Variants in NR2C2 observed in about 807,000 individuals in gnomAD.
The protein encoded by NR2C2 is Nuclear hormone receptor TR4.
In NR2C2, 6 loss-of-function variants were observed where a neutral mutation model predicts 62.9. The observed-to-expected ratio is 0.10, with a 90% CI of 0.05 to 0.19. The LOEUF (loss-of-function observed/expected upper bound fraction) is 0.19, where lower values mean the gene tolerates loss of function less well. NR2C2 is among the 10% of genes least tolerant of loss of function. NR2C2 has a pLI of 1.00. For synonymous variants in NR2C2, 272 were observed against 273.8 expected, an observed-to-expected ratio of 0.99 and a Z score of 0.07; for missense variants, 479 against 762.7, an observed-to-expected ratio of 0.63 and a Z score of 4.38.
intron 4 of NR2C2, among the ~76,000 whole-genome samples, chr3:15,020,174 C>CT (rs57379853): frequency 0.065 from 9,950 of 152,270 alleles, 412 homozygotes; most frequent in East Asian, 0.13. Flanking sequence ...TGGTAATCCT[C>CT]TTTTGCTGTG....
intron 10 of NR2C2, among the ~76,000 whole-genome samples, 186 bp downstream of exon 10, chr3:15,032,686 A>C (rs185953949): frequency 6.6e-6 from 1 of 152,168 alleles, no homozygotes; most frequent in Non-Finnish European, 1.5e-5. Context: ...CAGTTCTGCA[A>C]TGTTCCTCTA....
rs1459943002 is a variant in NR2C2, at chr3:15,044,646, G to C, written c.*1638G>C. On this transcript the variant is annotated 3_prime_UTR_variant, in exon 14 of 14. Coordinates refer to ENST00000425241, the MANE Select transcript of NR2C2 (RefSeq NM_001291694.2). ...GGGTTAAATTTGCCTCTCTTGATTT[G>C]TTAATCAGATGATATCCAAAAAGAT... The C allele has an allele frequency of 6.6e-6, 1 of 152,208 alleles. No individual in the cohort carries two copies. Among genetic ancestry groups the C allele is most frequent in the Non-Finnish European group, 1.5e-5 (1 of 68,028 alleles). The allele number at this position is 152,208 out of a possible 1,614,324, so 9.4% of individuals were successfully genotyped here.
intron 1 of NR2C2, among the ~76,000 whole-genome samples, chr3:14,992,648 G>C (rs1488809085): frequency 6.6e-6 from 1 of 152,180 alleles, no homozygotes; most frequent in Non-Finnish European, 1.5e-5. Flanking sequence ...AGGGGTGTCA[G>C]GAAAGGCTGG....
chr3:15,011,809 C>G (rs1198585386), intron 2 of NR2C2, among the ~76,000 whole-genome samples: 2 of 152,192 alleles, frequency 1.3e-5, no homozygotes, highest in Non-Finnish European at 2.9e-5. Context: ...TTGCAGTTTA[C>G]TGTTGTGTTT....
intron 2 of NR2C2, among the ~76,000 whole-genome samples, chr3:15,009,594 C>G (rs976172156): frequency 1.3e-5 from 2 of 152,174 alleles, no homozygotes; most frequent in African/African-American, 2.4e-5. Context: ...CAACACATAT[C>G]TTCTTAACGT....
chr3:14,977,979 G>C (rs1213630046), intron 1 of NR2C2, among the ~76,000 whole-genome samples: 2 of 146,296 alleles, frequency 1.4e-5, no homozygotes, highest in Non-Finnish European at 3.0e-5. Flanking sequence ...AGAAGAAGAA[G>C]AACAGACTTC....
rs759668374 is a variant in NR2C2 at position 14,996,594 on chromosome 3, G to A, written c.-39-7282G>A. Among the ~76,000 whole-genome samples, 82 of 152,140 alleles carry A rather than the reference G, an allele frequency of 5.4e-4. 1 individual carries two copies. The highest frequency in any genetic ancestry group is 8.4e-4 in the Non-Finnish European group (57 of 68,022). On this transcript the variant is annotated intron_variant, in intron 1 of 13. Transcript: ENST00000425241. The stretch of plus-strand genomic sequence containing the variant: ...GGTTTATTTGTTTATTTATTGAGAC[G>A]GAGTCTCGCTCTGTCCCCCAGGCTG...
intron 7 of NR2C2, among the ~76,000 whole-genome samples, chr3:15,028,195 T>C (rs2041876313): frequency 6.6e-6 from 1 of 152,202 alleles, no homozygotes; most frequent in African/African-American, 2.4e-5. Flanking sequence ...GTCTTTTTAT[T>C]ATTGAGTTGT....
At chr3:14,984,279 C>G (rs916940869) in intron 1 of NR2C2, among the ~76,000 whole-genome samples, 3 of 152,142 alleles carry the variant, frequency 2.0e-5, no homozygotes, top group African/African-American at 7.2e-5. Flanking sequence ...TTTCCCTGGT[C>G]ATTTTCACCA....
At position 15,038,050 on chromosome 3, in the gene NR2C2, C is replaced by T. The variant is rs145762160; in HGVS notation, c.1423C>T (p.Leu475=). 2.6e-4 allele frequency: 413 copies of T among 1,614,020 alleles called. No homozygotes were observed. Among genetic ancestry groups the T allele is most frequent in the Non-Finnish European group, 3.2e-4 (381 of 1,180,022 alleles). ...GCAAGTCATGGAGCACATCTGGAAG[C>T]TGCAGGAGTTCTGTAACAGCATGGC... ...IKQVMEHIWK[L]QEFCNSMAKL... Residue 475 remains leucine (L), a synonymous_variant, in exon 12 of 14, where the codon CTG becomes TTG. Transcript: ENST00000425241.
chr3:14,989,980 T>C (rs1402746148), intron 1 of NR2C2, among the ~76,000 whole-genome samples: 2 of 148,598 alleles, frequency 1.3e-5, no homozygotes, highest in Non-Finnish European at 3.0e-5. Context: ...CACATACCTG[T>C]AGTCCTGGCT....
At chr3:14,951,962 G>C (rs1244416675) in intron 1 of NR2C2, among the ~76,000 whole-genome samples, 2 of 152,306 alleles carry the variant, frequency 1.3e-5, no homozygotes, top group Non-Finnish European at 2.9e-5. Context: ...TAGCCAGGAT[G>C]GTCTCAAACT....
chr3:15,047,126 A>G lies in NR2C2; in HGVS notation c.*4118A>G, dbSNP rs1480102378. 1 of 152,680 alleles carries G rather than the reference A, an allele frequency of 6.5e-6. No individual in the cohort carries two copies. The highest frequency in any genetic ancestry group is 1.5e-5 in the Non-Finnish European group (1 of 68,054). The allele number at this position is 152,680 out of a possible 1,614,324, so 9.5% of individuals were successfully genotyped here. A position where few individuals can be genotyped will look rare whatever the true frequency, so the allele number is the denominator to read the frequency against. ...GTGTATGTGTACATAGATGTATATT[A>G]TGTATACAGACATGTATCCAAACTT... On this transcript the variant is annotated 3_prime_UTR_variant, in exon 14 of 14. Coordinates refer to ENST00000425241, the MANE Select transcript of NR2C2 (RefSeq NM_001291694.2).
chr3:14,993,770 G>A (rs1275898927), intron 1 of NR2C2, among the ~76,000 whole-genome samples: 4 of 152,180 alleles, frequency 2.6e-5, no homozygotes, highest in Non-Finnish European at 4.4e-5. Context: ...CCTACAGGGA[G>A]CCCATTGCCA....
chr3:15,029,961 AAG>A (rs2041935266), intron 8 of NR2C2, among the ~76,000 whole-genome samples: 1 of 152,084 alleles, frequency 6.6e-6, no homozygotes. Context: ...AAAGAAAAGA[AAG>A]AAATTGTCCA....
chr3:14,966,379 C>T (rs555840958), intron 1 of NR2C2, among the ~76,000 whole-genome samples: 8 of 152,238 alleles, frequency 5.3e-5, no homozygotes, highest in Non-Finnish European at 8.8e-5. Flanking sequence ...GATTGTGAGC[C>T]GTGAGATCAG....
At chr3:14,953,514 A>G (rs989599754) in intron 1 of NR2C2, among the ~76,000 whole-genome samples, 5 of 152,150 alleles carry the variant, frequency 3.3e-5, no homozygotes, top group Admixed American at 2.6e-4. Flanking sequence ...GAGCTGCTTT[A>G]TTTACCTTTG....
chr3:14,976,297 T>A (rs911104320), intron 1 of NR2C2, among the ~76,000 whole-genome samples: 1 of 152,178 alleles, frequency 6.6e-6, no homozygotes, highest in Non-Finnish European at 1.5e-5. Flanking sequence ...CCACATCTCT[T>A]CCCTCCCAAT....
chr3:14,988,215 G>C (rs1299355095), intron 1 of NR2C2, among the ~76,000 whole-genome samples: 4 of 152,256 alleles, frequency 2.6e-5, no homozygotes, highest in African/African-American at 9.6e-5. Context: ...TGTACAGCCA[G>C]TACCACAAAG....
Sources: allele counts gnomAD v4.1 joint callset (sites outside exome capture counted in the v4.1 genomes callset), GRCh38; gene constraint gnomAD v4.1.1; transcripts MANE v1.5; gene names NCBI Gene and HGNC (gene_info 2026-07-23, HGNC 2026-07-21).